Variants in FAT3 observed in about 807,000 individuals in gnomAD.
FAT3 encodes the protein protocadherin Fat 3.
In FAT3, 95 loss-of-function variants were observed where a neutral mutation model predicts 310.2. The ratio of observed to expected loss-of-function variants is 0.31; its 90% CI spans 0.26 to 0.36. The LOEUF is 0.36. Among genes scored for constraint, FAT3 ranks in the 10% least tolerant of loss-of-function variants. FAT3 has a pLI of 1.00. For missense variants in FAT3, 5,408 were observed against 5,715.6 expected, an observed-to-expected ratio of 0.95 and a Z score of 1.74; for synonymous variants, 2,314 against 2,192.9, an observed-to-expected ratio of 1.06 and a Z score of -1.54.
chr11:92,416,380 T>C (rs1950413532), intron 2 of FAT3, among the ~76,000 whole-genome samples: 1 of 133,788 alleles, frequency 7.5e-6, no homozygotes, highest in Non-Finnish European at 1.5e-5. Flanking sequence ...TGAGACTCCA[T>C]CTCAAAAAAA....
chr11:92,239,333 G>A (rs796999502), intron 1 of FAT3, among the ~76,000 whole-genome samples: 23 of 152,210 alleles, frequency 1.5e-4, no homozygotes, highest in African/African-American at 4.8e-4. Context: ...TCTCCAGGTT[G>A]TAGTACCCCT....
chr11:92,759,636 C>T lies in FAT3; in HGVS notation c.3670-2220C>T, dbSNP rs555077886. On this transcript the variant is annotated intron_variant, in intron 4 of 27. Coordinates refer to ENST00000525166, the MANE Select transcript of FAT3 (RefSeq NM_001367949.2). ...CTGGGTGCTTGCAGTAACATGATGA[C>T]GAGTGACCCGCTATGCGTAGCACTC... Among the ~76,000 whole-genome samples the T allele has an allele frequency of 9.9e-5, 15 of 152,204 alleles. No homozygotes were observed. In the South Asian group the frequency reaches 2.3e-3, roughly 23 times the overall value.
At chr11:92,255,158 A>G (rs941084557) in intron 1 of FAT3, among the ~76,000 whole-genome samples, 1 of 152,128 alleles carries the variant, frequency 6.6e-6, no homozygotes, top group Non-Finnish European at 1.5e-5. Context: ...TATGAAGAGC[A>G]TGAGAGATCT....
intron 3 of FAT3, among the ~76,000 whole-genome samples, chr11:92,600,547 G>T (rs1939965402): frequency 6.6e-6 from 1 of 152,198 alleles, no homozygotes; most frequent in Admixed American, 6.5e-5. Flanking sequence ...GAAATGCTTA[G>T]AATTGTACAT....
intron 3 of FAT3, among the ~76,000 whole-genome samples, chr11:92,547,654 A>G (rs879261760): frequency 1.3e-5 from 2 of 151,926 alleles, no homozygotes; most frequent in Non-Finnish European, 2.9e-5. Context: ...CCAGCTGTGT[A>G]CCACATGCAT....
intron 3 of FAT3, among the ~76,000 whole-genome samples, chr11:92,566,185 T>A (rs1481121956): frequency 1.8e-4 from 28 of 152,234 alleles, no homozygotes; most frequent in Non-Finnish European, 8.8e-5. Context: ...AACTTCAGCA[T>A]AGTCTCAGGA....
chr11:92,770,753 G>T (rs1360238749), intron 6 of FAT3, among the ~76,000 whole-genome samples: 1 of 152,148 alleles, frequency 6.6e-6, no homozygotes, highest in East Asian at 1.9e-4. Flanking sequence ...CTTTACGGAG[G>T]GACAGAGGTG....
intron 1 of FAT3, among the ~76,000 whole-genome samples, chr11:92,259,406 C>T (rs1009490523): frequency 1.3e-5 from 2 of 151,722 alleles, no homozygotes; most frequent in African/African-American, 2.4e-5. Flanking sequence ...CTTAAGATGG[C>T]AATAATTTTG....
intron 2 of FAT3, among the ~76,000 whole-genome samples, chr11:92,426,366 C>T (rs1381238274): frequency 1.3e-5 from 2 of 152,094 alleles, no homozygotes; most frequent in African/African-American, 4.8e-5. Flanking sequence ...TTTTGCTGTG[C>T]AGAAGCTCTT....
intron 2 of FAT3, among the ~76,000 whole-genome samples, chr11:92,482,505 T>C (rs1487791334): frequency 6.6e-6 from 1 of 152,206 alleles, no homozygotes; most frequent in Admixed American, 6.5e-5. Flanking sequence ...CAAAGTCATC[T>C]AGCAGGTGAG....
chr11:92,714,942 A>G (rs1944632130), intron 4 of FAT3, among the ~76,000 whole-genome samples: 1 of 151,930 alleles, frequency 6.6e-6, no homozygotes, highest in Admixed American at 6.6e-5. Context: ...AAAAGAAAAG[A>G]CTGTTGGGGT....
chr11:92,633,998 T>G (rs1324138265), intron 3 of FAT3, among the ~76,000 whole-genome samples: 3 of 152,214 alleles, frequency 2.0e-5, no homozygotes, highest in Non-Finnish European at 4.4e-5. Flanking sequence ...GAGTATGTGC[T>G]GATCATGGTA....
chr11:92,286,452 T>C (rs76407523), intron 1 of FAT3, among the ~76,000 whole-genome samples: 3,570 of 152,266 alleles, frequency 0.023, 147 homozygotes, highest in African/African-American at 0.08. Context: ...TTATCCCGTT[T>C]GTTCATTCAG....
intron 4 of FAT3, among the ~76,000 whole-genome samples, chr11:92,750,208 G>C (rs752833524): frequency 6.6e-6 from 1 of 152,100 alleles, no homozygotes. Flanking sequence ...TAATGAGAGG[G>C]GGAGGGAGAA....
chr11:92,313,876 G>A lies in FAT3; in HGVS notation c.-17-38220G>A, dbSNP rs534823784. Among the ~76,000 whole-genome samples the A allele has an allele frequency of 3.3e-5, 5 of 152,310 alleles. No homozygotes were observed. The South Asian group carries it at 6.2e-4, about 19-fold the overall frequency. The stretch of plus-strand genomic sequence containing the variant: ...CCCGGCCTCAAACCTAATTTTTCCA[G>A]TAAGCCACTTGGTTTTTACTGTGCG... On this transcript the variant is annotated intron_variant, in intron 1 of 27. Coordinates refer to ENST00000525166, the MANE Select transcript of FAT3 (RefSeq NM_001367949.2).
At chr11:92,518,000 G>A (rs189510212) in intron 2 of FAT3, among the ~76,000 whole-genome samples, 1 of 150,832 alleles carries the variant, frequency 6.6e-6, no homozygotes, top group Non-Finnish European at 1.5e-5. Flanking sequence ...TGGAGAAATA[G>A]GAGTGCTTTT....
chr11:92,366,625 AG>A, intron 2 of FAT3: 1 of 533,064 alleles, frequency 1.9e-6, no homozygotes, highest in Non-Finnish European at 3.8e-6. Context: ...ACCAGTTGAC[AG>A]GTTCAGCTCC....
At chr11:92,737,581 A>G (rs924715418) in intron 4 of FAT3, among the ~76,000 whole-genome samples, 6 of 152,040 alleles carry the variant, frequency 3.9e-5, no homozygotes, top group Admixed American at 3.3e-4. Flanking sequence ...TTCATAAAGA[A>G]ACACACAATA....
chr11:92,368,975 G>GTA (rs988328534), intron 2 of FAT3, among the ~76,000 whole-genome samples: 14 of 151,442 alleles, frequency 9.2e-5, no homozygotes, highest in Admixed American at 5.9e-4. Context: ...GTGTGTATGT[G>GTA]TATATATATG....
Sources: gnomAD v4.1 joint callset for allele counts (sites outside exome capture counted in the v4.1 genomes callset) on GRCh38, gnomAD v4.1.1 for gene constraint, MANE v1.5 for transcripts, NCBI Gene and HGNC (gene_info 2026-07-23, HGNC 2026-07-21) for gene names.